DEAF1: variants seen among roughly 807,000 people sequenced by gnomAD.
DEAF1 encodes the protein DEAF1 transcription factor.
Under a neutral mutation model 58.9 loss-of-function variants are expected in DEAF1, and 53 were observed. The ratio of observed to expected loss-of-function variants is 0.90; its 90% CI spans 0.72 to 1.13. The LOEUF is 1.13. DEAF1 is among the 50% of genes most tolerant of loss of function. DEAF1 has a pLI of 0.00. For missense variants in DEAF1, 685 were observed against 791.4 expected (o/e 0.87, Z 1.61); for synonymous variants, 385 against 340.4 (o/e 1.13, Z -1.44).
At chr11:645,677 G>C (rs1858457835) in intron 11 of DEAF1, among the ~76,000 whole-genome samples, 1 of 152,206 alleles carries the variant, frequency 6.6e-6, no homozygotes, top group South Asian at 2.1e-4. Flanking sequence ...CGTGGCTGCA[G>C]AGAAAGGAGG....
At chr11:700,332 G>A (rs775310397) in intron 1 of DEAF1, 5 of 1,150,390 alleles carry the variant, frequency 4.3e-6, no homozygotes, top group Non-Finnish European at 6.4e-6. Context: ...TTTGAGACCA[G>A]CCAGGCCAAC....
intron 8 of DEAF1, 80 bp from the exon 9 acceptor site, chr11:678,902 G>A (rs541071174): frequency 2.1e-5 from 34 of 1,582,320 alleles, no homozygotes; most frequent in Admixed American, 3.4e-5. Context: ...GTATGGCTGC[G>A]CCATTCAGTA....
At chr11:651,142 T>C (rs1403175785) in intron 11 of DEAF1, 3 of 155,068 alleles carry the variant, frequency 1.9e-5, no homozygotes, top group Non-Finnish European at 4.3e-5. Context: ...TTTGTGTTTT[T>C]AGTAGAGATG....
chr11:644,468 A>C lies in DEAF1; in HGVS notation c.*82T>G, dbSNP rs968320000. The C allele has an allele frequency of 7.8e-6, 8 of 1,027,598 alleles. No homozygotes were observed. Among genetic ancestry groups the C allele is most frequent in the African/African-American group, 3.2e-5 (2 of 63,380 alleles). 63.7% of individuals were successfully genotyped at this position (1,027,598 alleles called of 1,614,324 possible). A position where few individuals can be genotyped will look rare whatever the true frequency, so the allele number is the denominator to read the frequency against. On this transcript the variant is annotated 3_prime_UTR_variant, in exon 12 of 12. Coordinates refer to ENST00000382409, the MANE Select transcript of DEAF1 (RefSeq NM_021008.4). The surrounding 1 kb of genome is among the most constrained non-coding windows in gnomAD (Gnocchi z 4.3). ...ACACCCCTCTTCTCAACGTCCCCCC[A>C]GAGTCCTCAGGGGGGCCTTCGACCT...
upstream of DEAF1, chr11:695,337 T>A: frequency 2.3e-6 from 1 of 439,226 alleles, no homozygotes; most frequent in Non-Finnish European, 4.0e-6. Context: ...TTCCCCGAAG[T>A]GGGAAGCCGA....
chr11:654,510 C>T (rs1364475828), intron 10 of DEAF1: 5 of 455,370 alleles, frequency 1.1e-5, no homozygotes, highest in Middle Eastern at 3.3e-4. Flanking sequence ...CTGCTCAGAA[C>T]GTTCTTGTCA....
chr11:690,990 A>G lies in DEAF1; in HGVS notation c.387+511T>C, dbSNP rs572701482. Reference sequence around the variant, plus strand: ...AAAACATAAAATAAGCTGATAAAACATGATCACAAAAGGGCTCTGAAGGTG... The same window carrying G: ...AAAACATAAAATAAGCTGATAAAACGTGATCACAAAAGGGCTCTGAAGGTG... On this transcript the variant is annotated intron_variant, in intron 2 of 11. Transcript: ENST00000382409. Among the ~76,000 whole-genome samples the G allele has an allele frequency of 6.6e-5, 10 of 152,378 alleles. No homozygotes were observed. The South Asian group carries it at 1.9e-3, about 28-fold the overall frequency.
rs1000920655 is a variant in DEAF1 at position 680,878 on chromosome 11, C to T, written c.997+85G>A. The T allele has an allele frequency of 1.1e-5, 17 of 1,583,502 alleles. No homozygotes were observed. In the Admixed American group the frequency reaches 2.2e-4, roughly 20 times the overall value. ...CAATGTGCTTTAGAAGTGAGAATCCCGCAGTGGCCGTGGGAGTGGTGACGA... is the reference window on the plus strand; with the variant it reads ...CAATGTGCTTTAGAAGTGAGAATCCTGCAGTGGCCGTGGGAGTGGTGACGA... On this transcript the variant is annotated intron_variant, in intron 7 of 11. Coordinates refer to ENST00000382409, the MANE Select transcript of DEAF1 (RefSeq NM_021008.4).
chr11:669,122 AC>A (rs1859689838), intron 10 of DEAF1, among the ~76,000 whole-genome samples: 3 of 97,208 alleles, frequency 3.1e-5, no homozygotes, highest in Non-Finnish European at 4.0e-5. Context: ...ACTGCACCCG[AC>A]CCTTTTTTTT....
At chr11:645,624 C>T (rs953641443) in intron 11 of DEAF1, among the ~76,000 whole-genome samples, 1 of 152,132 alleles carries the variant, frequency 6.6e-6, no homozygotes, top group Admixed American at 6.5e-5. Flanking sequence ...CGCCCCAGTT[C>T]TGTTTTTAAT....
chr11:661,628 T>A (rs1859324120), intron 10 of DEAF1, among the ~76,000 whole-genome samples: 1 of 152,112 alleles, frequency 6.6e-6, no homozygotes, highest in Non-Finnish European at 1.5e-5. Flanking sequence ...AAGAATCGCT[T>A]GAACCTGGGA....
chr11:700,265 G>A (rs757199521), intron 1 of DEAF1: 44 of 1,589,886 alleles, frequency 2.8e-5, no homozygotes, highest in Middle Eastern at 3.3e-4. Flanking sequence ...AGTGGCTCAC[G>A]CCTGTAATCC....
chr11:654,109 A>G (rs7109899), intron 10 of DEAF1, 58 bp from the exon 11 acceptor site: 326,458 of 1,449,742 alleles, frequency 0.23, 44,006 homozygotes, highest in African/African-American at 0.6. Flanking sequence ...CCCCTGAGAC[A>G]CCGGGGACAG....
In DEAF1 at chr11:674,546, T is replaced by C. The variant is rs576805766; in HGVS notation, c.1493A>G (p.Glu498Gly). ...TTGTTCCAAGGTTACCTCCTTCCGC[T>C]CTGCGTCAGCGTGGATCTTGGCCTG... is the stretch of plus-strand genomic sequence containing the variant. The part of the protein sequence containing the change: ...TNQAKIHADA[E>G]RKEQSCVNCG... The change falls in exon 10 of 12, where the codon GAG (glutamate) becomes GGG (glycine). Residue 498 changes from glutamate (E) to glycine (G), a missense_variant. By Grantham distance (98) the Glu-to-Gly change is moderately conservative (BLOSUM62 -2). Around this residue, in one of 3 missense-constraint regions of DEAF1, gnomAD observed 343 missense variants for 379.8 expected, o/e 0.90. Coordinates refer to ENST00000382409, the MANE Select transcript of DEAF1 (RefSeq NM_021008.4). 7 of 1,614,074 alleles carry C rather than the reference T, an allele frequency of 4.3e-6. No homozygotes were observed. The African/African-American group carries it at 9.3e-5, about 22-fold the overall frequency.
At chr11:649,708 A>G (rs757655771) in intron 11 of DEAF1, among the ~76,000 whole-genome samples, 3 of 150,080 alleles carry the variant, frequency 2.0e-5, no homozygotes, top group African/African-American at 4.9e-5. Flanking sequence ...CAACAAAGTG[A>G]TACTCTGTCT....
At chr11:695,614 C>G (rs901832449), upstream of DEAF1, 4 of 1,244,262 alleles carry the variant, frequency 3.2e-6, no homozygotes, top group African/African-American at 6.2e-5. Flanking sequence ...GCCGAATGCT[C>G]CCGAACGTCG....
At chr11:667,077 G>A (rs1464463699) in intron 10 of DEAF1, among the ~76,000 whole-genome samples, 1 of 151,842 alleles carries the variant, frequency 6.6e-6, no homozygotes, top group Non-Finnish European at 1.5e-5. Flanking sequence ...GTACACATGT[G>A]TAGTCCCAGC....
intron 4 of DEAF1, 43 bp downstream of exon 4, chr11:687,868 C>T (rs761835686): frequency 1.2e-5 from 20 of 1,613,234 alleles, no homozygotes; most frequent in Non-Finnish European, 1.6e-5. Flanking sequence ...AGGGGGGTTA[C>T]AAAGGGGAAT....
intron 9 of DEAF1, among the ~76,000 whole-genome samples, chr11:676,543 C>T (rs560655823): frequency 1.3e-5 from 2 of 151,916 alleles, no homozygotes; most frequent in East Asian, 2.0e-4. Flanking sequence ...ATCAGAGTCT[C>T]GCTGTGTCGC....
Sources: allele counts gnomAD v4.1 joint callset (sites outside exome capture counted in the v4.1 genomes callset), GRCh38; gene constraint gnomAD v4.1.1; regional missense constraint gnomAD v4.1.1; non-coding constraint Gnocchi (gnomAD v3.1); transcripts MANE v1.5; gene names NCBI Gene and HGNC (gene_info 2026-07-23, HGNC 2026-07-21).